Variants in PTPRD observed in about 807,000 individuals in gnomAD.
PTPRD encodes the protein protein tyrosine phosphatase receptor type D.
A neutral mutation model predicts 214.5 loss-of-function variants in PTPRD; 34 were observed. That is an observed-to-expected ratio of 0.16 (90% CI 0.12 to 0.21). The LOEUF is 0.21. Ranked by LOEUF, PTPRD falls within the 10% of genes least tolerant of loss-of-function variation. PTPRD has a pLI of 1.00. For synonymous variants in PTPRD, 1,128 were observed against 845.7 expected (o/e 1.33, Z -5.79); for missense variants, 2,545 against 2,398.7 (o/e 1.06, Z -1.27).
intron 3 of PTPRD, among the ~76,000 whole-genome samples, chr9:10,188,168 C>A (rs1416695287): frequency 6.6e-6 from 1 of 152,126 alleles, no homozygotes; most frequent in East Asian, 1.9e-4. Flanking sequence ...ATGCTATTCA[C>A]CCTTTTCCTG....
chr9:8,985,587 T>A (rs1024808681), intron 11 of PTPRD, among the ~76,000 whole-genome samples: 4 of 151,648 alleles, frequency 2.6e-5, no homozygotes, highest in Non-Finnish European at 5.9e-5. Context: ...CACGCAGGGA[T>A]AGTCACTCAG....
At chr9:8,781,559 A>C (rs1362246991) in intron 11 of PTPRD, among the ~76,000 whole-genome samples, 5 of 152,228 alleles carry the variant, frequency 3.3e-5, no homozygotes, top group Non-Finnish European at 7.3e-5. Flanking sequence ...TATCCAAAGC[A>C]CTAAAATAAA....
At chr9:8,438,920 T>G (rs924553026) in intron 34 of PTPRD, 2 of 152,174 alleles carry the variant, frequency 1.3e-5, no homozygotes, top group Admixed American at 6.5e-5. Context: ...TATTTACTTG[T>G]GGCATGCACT....
intron 11 of PTPRD, among the ~76,000 whole-genome samples, chr9:8,768,537 A>T (rs2094942507): frequency 1.3e-5 from 2 of 152,186 alleles, no homozygotes; most frequent in Admixed American, 1.3e-4. Flanking sequence ...TGGGTGACAG[A>T]GCAAGATCCT....
At chr9:9,264,456 G>T (rs1421359148) in intron 9 of PTPRD, among the ~76,000 whole-genome samples, 1 of 151,494 alleles carries the variant, frequency 6.6e-6, no homozygotes, top group Non-Finnish European at 1.5e-5. Flanking sequence ...TGAAATCACT[G>T]GTCATTTGAA....
At chr9:9,698,745 A>C (rs2097431088) in intron 7 of PTPRD, among the ~76,000 whole-genome samples, 2 of 152,090 alleles carry the variant, frequency 1.3e-5, no homozygotes, top group African/African-American at 4.8e-5. Flanking sequence ...GTTCAATTTG[A>C]TCTCACTCTT....
Position 10,345,635 on chromosome 9 carries a change from G to T in PTPRD, c.-599-4618C>A, listed in dbSNP as rs546639024. On this transcript the variant is annotated intron_variant, in intron 2 of 45. Coordinates refer to ENST00000381196, the MANE Select transcript of PTPRD (RefSeq NM_002839.4). ...CTACACAGTATTCCACGGTGTATAT[G>T]TGCCACATTTTCTTTTTCCAGTCTA... is the stretch of plus-strand genomic sequence containing the variant. Among the ~76,000 whole-genome samples, 491 of 152,332 alleles carry T rather than the reference G, an allele frequency of 3.2e-3. 3 individuals carry two copies. Among genetic ancestry groups the T allele is most frequent in the African/African-American group, 0.011 (462 of 41,578 alleles).
chr9:9,379,238 A>G (rs1255197904), intron 9 of PTPRD, among the ~76,000 whole-genome samples: 1 of 146,056 alleles, frequency 6.8e-6, no homozygotes, highest in Non-Finnish European at 1.5e-5. Context: ...TTTTATATAT[A>G]TATATATATT....
At chr9:9,542,256 G>T (rs2077760070) in intron 8 of PTPRD, among the ~76,000 whole-genome samples, 2 of 151,670 alleles carry the variant, frequency 1.3e-5, no homozygotes, top group Admixed American at 1.3e-4. Flanking sequence ...AATAAATTGG[G>T]TAATTTAGGT....
At chr9:9,133,433 T>A (rs2099845891) in intron 10 of PTPRD, among the ~76,000 whole-genome samples, 1 of 152,210 alleles carries the variant, frequency 6.6e-6, no homozygotes, top group Admixed American at 6.5e-5. Flanking sequence ...AGTATCCATT[T>A]AATATAAGAT....
At chr9:9,564,246 G>C (rs940744883) in intron 8 of PTPRD, among the ~76,000 whole-genome samples, 1 of 152,056 alleles carries the variant, frequency 6.6e-6, no homozygotes, top group African/African-American at 2.4e-5. Flanking sequence ...ATGTGCAAAA[G>C]AAAATCTCCA....
At chr9:9,100,288 A>G (rs915904491) in intron 10 of PTPRD, among the ~76,000 whole-genome samples, 5 of 152,138 alleles carry the variant, frequency 3.3e-5, no homozygotes, top group African/African-American at 1.2e-4. Flanking sequence ...CTGCTCCCAA[A>G]TATGCCTGCA....
intron 2 of PTPRD, among the ~76,000 whole-genome samples, chr9:10,461,654 G>A (rs2131310978): frequency 7.0e-6 from 1 of 143,458 alleles, no homozygotes; most frequent in East Asian, 2.0e-4. Context: ...ATGGAGTCTC[G>A]CTCTGTCTCC....
chr9:9,115,820 A>G (rs1409204828), intron 10 of PTPRD, among the ~76,000 whole-genome samples: 1 of 152,150 alleles, frequency 6.6e-6, no homozygotes, highest in African/African-American at 2.4e-5. Context: ...CATGGAATCA[A>G]CTTAGGTGTC....
At chr9:9,420,919 C>CT (rs1225607736) in intron 8 of PTPRD, among the ~76,000 whole-genome samples, 1 of 151,782 alleles carries the variant, frequency 6.6e-6, no homozygotes, top group Non-Finnish European at 1.5e-5. Context: ...TAACAGTGGT[C>CT]TTTTTTCTCA....
At chr9:9,524,737 C>T (rs150800202) in intron 8 of PTPRD, among the ~76,000 whole-genome samples, 1 of 152,114 alleles carries the variant, frequency 6.6e-6, no homozygotes, top group South Asian at 2.1e-4. Flanking sequence ...GATTTTAATG[C>T]TTTTCGATTT....
chr9:9,131,429 T>C (rs2099842435), intron 10 of PTPRD, among the ~76,000 whole-genome samples: 1 of 152,200 alleles, frequency 6.6e-6, no homozygotes, highest in African/African-American at 2.4e-5. Flanking sequence ...AGAAATATTG[T>C]TTATAAATAG....
intron 10 of PTPRD, among the ~76,000 whole-genome samples, chr9:9,147,345 T>C (rs1384843256): frequency 2.0e-5 from 3 of 152,014 alleles, no homozygotes; most frequent in Non-Finnish European, 4.4e-5. Context: ...GGATTAATAC[T>C]GTTATTCTTT....
intron 12 of PTPRD, among the ~76,000 whole-genome samples, chr9:8,687,052 A>G (rs1036692682): frequency 6.6e-6 from 1 of 152,210 alleles, no homozygotes; most frequent in African/African-American, 2.4e-5. Flanking sequence ...TTATCCTGGG[A>G]GACCTTTCAT....
Sources: allele counts gnomAD v4.1 joint callset (sites outside exome capture counted in the v4.1 genomes callset), GRCh38; gene constraint gnomAD v4.1.1; transcripts MANE v1.5; gene names NCBI Gene and HGNC (gene_info 2026-07-23, HGNC 2026-07-21).